The following PTPRD variants were observed in gnomAD, a reference collection of about 807,000 sequenced individuals.
PTPRD encodes the protein receptor-type tyrosine-protein phosphatase delta.
In PTPRD, 34 loss-of-function variants were observed where a neutral mutation model predicts 214.5. The ratio of observed to expected loss-of-function variants is 0.16; its 90% CI spans 0.12 to 0.21. The LOEUF is 0.21. PTPRD is among the 10% of genes least tolerant of loss of function. The pLI is 1.00. For synonymous variants in PTPRD, 1,128 were observed against 845.7 expected, an observed-to-expected ratio of 1.33 and a Z score of -5.79; for missense variants, 2,545 against 2,398.7, an observed-to-expected ratio of 1.06 and a Z score of -1.27.
intron 9 of PTPRD, among the ~76,000 whole-genome samples, chr9:9,213,727 T>A (rs935437518): frequency 2.2e-4 from 33 of 152,290 alleles, no homozygotes; most frequent in Non-Finnish European, 4.7e-4. Flanking sequence ...CACTTTCATG[T>A]GAGATGAAAG....
At chr9:8,784,643 TATCTC>T (rs58202204) in intron 11 of PTPRD, among the ~76,000 whole-genome samples, 53,334 of 151,554 alleles carry the variant, frequency 0.35, 11,460 homozygotes, top group Middle Eastern at 0.48. Context: ...AAAGAGCTCT[TATCTC>T]ATGTTTTTAA....
Position 10,493,086 on chromosome 9 carries a change from C to T in PTPRD, c.-600+119312G>A, listed in dbSNP as rs141729974. 1.7e-3 allele frequency among the ~76,000 whole-genome samples: 251 copies of T among 151,886 alleles called. 1 individual carries two copies. Among genetic ancestry groups the T allele is most frequent in the South Asian group, 6.4e-3 (31 of 4,812 alleles). ...AAGGAGAACTTCAAACCCCTGCTGA[C>T]GGAAATAAGAGAGCACAGAAACAAA... On this transcript the variant is annotated intron_variant, in intron 2 of 45. Coordinates refer to ENST00000381196, the MANE Select transcript of PTPRD (RefSeq NM_002839.4).
intron 11 of PTPRD, among the ~76,000 whole-genome samples, chr9:8,828,930 G>C (rs1055137423): frequency 3.3e-5 from 5 of 152,112 alleles, no homozygotes; most frequent in Non-Finnish European, 7.4e-5. Flanking sequence ...GTGGACAACA[G>C]TGTTCCATAA....
chr9:9,945,786 G>C (rs1212115359), intron 4 of PTPRD, among the ~76,000 whole-genome samples: 1 of 152,034 alleles, frequency 6.6e-6, no homozygotes, highest in Non-Finnish European at 1.5e-5. Context: ...CCTTAATACA[G>C]TTCCAAAAAT....
intron 10 of PTPRD, among the ~76,000 whole-genome samples, chr9:9,088,495 G>C (rs578145582): frequency 1.4e-5 from 2 of 138,834 alleles, no homozygotes; most frequent in Non-Finnish European, 3.1e-5. Context: ...CATGAGATTT[G>C]TTTGAACCCA....
intron 37 of PTPRD, among the ~76,000 whole-genome samples, chr9:8,387,782 G>A (rs2087731783): frequency 6.6e-6 from 1 of 152,114 alleles, no homozygotes; most frequent in Non-Finnish European, 1.5e-5. Context: ...AGTGTTTCTT[G>A]TAAAGGGCTG....
At chr9:8,444,142 A>G (rs1272758550) in intron 34 of PTPRD, among the ~76,000 whole-genome samples, 1 of 152,202 alleles carries the variant, frequency 6.6e-6, no homozygotes, top group Non-Finnish European at 1.5e-5. Flanking sequence ...GTGTCAAAAT[A>G]TATGGGCTCA....
At chr9:9,086,266 C>A (rs909631434) in intron 10 of PTPRD, among the ~76,000 whole-genome samples, 1 of 152,156 alleles carries the variant, frequency 6.6e-6, no homozygotes, top group Non-Finnish European at 1.5e-5. Flanking sequence ...GAGACTAATT[C>A]ACTGAGAGTG....
chr9:8,732,020 A>G (rs1403228908), intron 12 of PTPRD, among the ~76,000 whole-genome samples: 3 of 152,238 alleles, frequency 2.0e-5, no homozygotes, highest in Admixed American at 6.5e-5. Context: ...TTAACTAAAA[A>G]TTGCTAACAA....
intron 11 of PTPRD, among the ~76,000 whole-genome samples, chr9:8,949,053 G>T (rs1363645756): frequency 6.6e-6 from 1 of 151,582 alleles, no homozygotes; most frequent in Non-Finnish European, 1.5e-5. Flanking sequence ...GTGAAACCCC[G>T]TCTCTTCTAA....
intron 7 of PTPRD, among the ~76,000 whole-genome samples, chr9:9,584,029 T>C (rs960104443): frequency 2.0e-5 from 3 of 152,038 alleles, no homozygotes; most frequent in Non-Finnish European, 2.9e-5. Context: ...CAAACTCAAA[T>C]GCACATAAAA....
At position 9,324,418 on chromosome 9, in the gene PTPRD, A is replaced by T. The variant is rs1358813178; in HGVS notation, c.-203+73031T>A. Among the ~76,000 whole-genome samples, 15 of 152,224 alleles carry T rather than the reference A, an allele frequency of 9.9e-5. No homozygotes were observed. In the East Asian group the frequency reaches 2.5e-3, roughly 25 times the overall value. Reference sequence around the variant, plus strand: ...GAGATGGTATCTCAGTGTGGTTTTGATGTGCATTTCTCTGATGACCAGTGA... The same window carrying T: ...GAGATGGTATCTCAGTGTGGTTTTGTTGTGCATTTCTCTGATGACCAGTGA... On this transcript the variant is annotated intron_variant, in intron 9 of 45. Coordinates refer to ENST00000381196, the MANE Select transcript of PTPRD (RefSeq NM_002839.4).
chr9:9,944,711 C>G (rs551504693), intron 4 of PTPRD, among the ~76,000 whole-genome samples: 3 of 150,654 alleles, frequency 2.0e-5, no homozygotes, highest in Non-Finnish European at 4.4e-5. Flanking sequence ...TTTTTTTTTC[C>G]AGTGGATTGA....
chr9:8,678,244 C>T (rs2097475903), intron 12 of PTPRD, among the ~76,000 whole-genome samples: 1 of 152,082 alleles, frequency 6.6e-6, no homozygotes, highest in South Asian at 2.1e-4. Context: ...TCCACACCAC[C>T]CTCACTGTCC....
At chr9:9,374,165 T>C (rs1420529767) in intron 9 of PTPRD, among the ~76,000 whole-genome samples, 1 of 152,044 alleles carries the variant, frequency 6.6e-6, no homozygotes, top group Non-Finnish European at 1.5e-5. Context: ...AAAAGACAGA[T>C]TTTATGTAAA....
intron 5 of PTPRD, among the ~76,000 whole-genome samples, chr9:9,836,544 G>A (rs1374407454): frequency 1.3e-5 from 2 of 152,042 alleles, no homozygotes; most frequent in African/African-American, 4.8e-5. Flanking sequence ...CTAGTTTATG[G>A]GGTGACTGAA....
intron 2 of PTPRD, among the ~76,000 whole-genome samples, chr9:10,582,551 C>G (rs1299548547): frequency 6.6e-6 from 1 of 152,152 alleles, no homozygotes; most frequent in Non-Finnish European, 1.5e-5. Context: ...TCAGAGTTGA[C>G]AACACCCTAA....
At chr9:8,606,112 C>T (rs182765259) in intron 14 of PTPRD, among the ~76,000 whole-genome samples, 27 of 152,196 alleles carry the variant, frequency 1.8e-4, no homozygotes, top group African/African-American at 6.3e-4. Context: ...GACAAAATCT[C>T]TCTGAAGGCA....
chr9:8,379,836 C>T (rs146621024), intron 37 of PTPRD, among the ~76,000 whole-genome samples: 73 of 152,160 alleles, frequency 4.8e-4, no homozygotes, highest in Admixed American at 1.8e-3. Context: ...TACAAGCGGC[C>T]TCTAGGACTG....
Sources: gnomAD v4.1 joint callset for allele counts (sites outside exome capture counted in the v4.1 genomes callset) on GRCh38, gnomAD v4.1.1 for gene constraint, MANE v1.5 for transcripts, NCBI Gene and HGNC (gene_info 2026-07-23, HGNC 2026-07-21) for gene names.